Variants in GRM1 observed in about 807,000 individuals in gnomAD.
The protein encoded by GRM1 is metabotropic glutamate receptor 1.
A neutral mutation model predicts 90.9 loss-of-function variants in GRM1; 33 were observed. The ratio of observed to expected loss-of-function variants is 0.36; its 90% CI spans 0.28 to 0.49. The LOEUF (loss-of-function observed/expected upper bound fraction) is 0.49. Ranked by LOEUF, GRM1 falls within the 20% of genes least tolerant of loss-of-function variation. The pLI, the probability that GRM1 is intolerant of heterozygous loss-of-function variation, is 0.99. For missense variants in GRM1, 1,190 were observed against 1,534.3 expected, an observed-to-expected ratio of 0.78 and a Z score of 3.75; for synonymous variants, 700 against 613.2, an observed-to-expected ratio of 1.14 and a Z score of -2.09.
At chr6:146,103,168 A>G (rs1232186792) in intron 1 of GRM1, among the ~76,000 whole-genome samples, 6 of 152,178 alleles carry the variant, frequency 3.9e-5, no homozygotes, top group African/African-American at 1.4e-4. Context: ...GGCAATTGGC[A>G]TTTTTGCATA....
chr6:146,101,808 A>G (rs1036549817), intron 1 of GRM1, among the ~76,000 whole-genome samples: 31 of 148,966 alleles, frequency 2.1e-4, no homozygotes, highest in Non-Finnish European at 4.3e-4. Context: ...TAATAATAAC[A>G]CTATAATTAT....
At chr6:146,375,524 C>T (rs1357821229) in intron 5 of GRM1, among the ~76,000 whole-genome samples, 2 of 151,854 alleles carry the variant, frequency 1.3e-5, no homozygotes, top group Non-Finnish European at 2.9e-5. Flanking sequence ...TGTATTGGGG[C>T]CTGTCTCTCT....
At chr6:146,290,503 G>C (rs571184304) in intron 2 of GRM1, among the ~76,000 whole-genome samples, 1 of 152,252 alleles carries the variant, frequency 6.6e-6, no homozygotes. Flanking sequence ...ATGACTCAGA[G>C]AGCCAAGTCT....
At chr6:146,262,406 T>C (rs1164880342) in intron 2 of GRM1, among the ~76,000 whole-genome samples, 2 of 152,036 alleles carry the variant, frequency 1.3e-5, no homozygotes, top group African/African-American at 4.8e-5. Flanking sequence ...TATATGTGTG[T>C]GTCTCTATTT....
At chr6:146,291,754 A>G (rs1483186786) in intron 2 of GRM1, among the ~76,000 whole-genome samples, 4 of 152,072 alleles carry the variant, frequency 2.6e-5, no homozygotes, top group African/African-American at 9.6e-5. Context: ...CAAATCTGTA[A>G]GTTTCAATTC....
chr6:146,372,641 G>T (rs1775945555), intron 5 of GRM1, among the ~76,000 whole-genome samples: 1 of 144,842 alleles, frequency 6.9e-6, no homozygotes. Context: ...TTTGTGTATG[G>T]GGAGAGGTAG....
chr6:146,206,863 C>T (rs1779513722), intron 2 of GRM1, among the ~76,000 whole-genome samples: 1 of 152,004 alleles, frequency 6.6e-6, no homozygotes, highest in Non-Finnish European at 1.5e-5. Flanking sequence ...TTCATTAGTT[C>T]TTATCATTTA....
chr6:146,376,255 T>G (rs1326142746), intron 5 of GRM1, among the ~76,000 whole-genome samples: 8 of 152,134 alleles, frequency 5.3e-5, no homozygotes, highest in Non-Finnish European at 1.0e-4. Context: ...AAAGTTGTGG[T>G]ATTTATTACT....
At chr6:146,250,950 A>G (rs1358775852) in intron 2 of GRM1, among the ~76,000 whole-genome samples, 3 of 152,222 alleles carry the variant, frequency 2.0e-5, no homozygotes, top group Non-Finnish European at 2.9e-5. Flanking sequence ...AGATGGGACT[A>G]TTTTAGCAAG....
intron 3 of GRM1, among the ~76,000 whole-genome samples, chr6:146,310,106 A>G (rs1369508889): frequency 1.3e-5 from 2 of 152,214 alleles, no homozygotes; most frequent in Non-Finnish European, 2.9e-5. Flanking sequence ...CTGGTATCTA[A>G]TTCTCACCAA....
intron 7 of GRM1, among the ~76,000 whole-genome samples, chr6:146,431,700 T>G (rs1051946373): frequency 3.9e-5 from 6 of 152,184 alleles, no homozygotes; most frequent in African/African-American, 1.2e-4. Context: ...CTAATGCCTA[T>G]GAAGAAGTGG....
chr6:146,031,137 A>G (rs1017857082), intron 1 of GRM1, among the ~76,000 whole-genome samples: 1 of 152,200 alleles, frequency 6.6e-6, no homozygotes. Context: ...AAAATTTTTT[A>G]TATAAAGATT....
At chr6:146,381,072 T>C (rs1413346357) in intron 5 of GRM1, among the ~76,000 whole-genome samples, 1 of 152,182 alleles carries the variant, frequency 6.6e-6, no homozygotes, top group Non-Finnish European at 1.5e-5. Context: ...AGCTACCAGC[T>C]GTACAGGCTG....
intron 1 of GRM1, among the ~76,000 whole-genome samples, chr6:146,049,673 A>G (rs896138154): frequency 6.6e-6 from 1 of 150,392 alleles, no homozygotes; most frequent in African/African-American, 2.4e-5. Context: ...CTATCTATCT[A>G]TCTATCTATC....
intron 1 of GRM1, among the ~76,000 whole-genome samples, chr6:146,076,876 G>T (rs1217176309): frequency 1.3e-5 from 2 of 152,128 alleles, no homozygotes; most frequent in Non-Finnish European, 2.9e-5. Context: ...TCTTCAGGCT[G>T]TGTTATCCCT....
At chr6:146,156,761 A>G (rs1441468566) in intron 1 of GRM1, among the ~76,000 whole-genome samples, 1 of 152,198 alleles carries the variant, frequency 6.6e-6, no homozygotes, top group East Asian at 1.9e-4. Context: ...AGGCTGAAAC[A>G]GAGGAGAGAG....
chr6:146,274,010 T>C (rs1782263755), intron 2 of GRM1, among the ~76,000 whole-genome samples: 1 of 152,254 alleles, frequency 6.6e-6, no homozygotes, highest in African/African-American at 2.4e-5. Context: ...AAACATGTAT[T>C]ACAGAGTCCA....
At chr6:146,239,256 A>C (rs1302502403) in intron 2 of GRM1, among the ~76,000 whole-genome samples, 4 of 152,172 alleles carry the variant, frequency 2.6e-5, no homozygotes, top group Non-Finnish European at 5.9e-5. Context: ...TGTGGATAAA[A>C]CTGACCCACT....
At chr6:146,105,714 A>G (rs1348724263) in intron 1 of GRM1, among the ~76,000 whole-genome samples, 1 of 152,240 alleles carries the variant, frequency 6.6e-6, no homozygotes, top group Non-Finnish European at 1.5e-5. Flanking sequence ...TGATACAGCA[A>G]AATATGACAC....
Sources: allele counts gnomAD v4.1 joint callset (sites outside exome capture counted in the v4.1 genomes callset), GRCh38; gene constraint gnomAD v4.1.1; transcripts MANE v1.5; gene names NCBI Gene and HGNC (gene_info 2026-07-23, HGNC 2026-07-21).